SH2B2: variants seen among roughly 807,000 people sequenced by gnomAD.
SH2B2 encodes SH2B adapter protein 2.
SH2B2 carries 37 observed loss-of-function variants against 35.7 expected under a neutral mutation model. That is an observed-to-expected ratio of 1.04 (90% confidence interval 0.80 to 1.36). SH2B2 has a LOEUF of 1.36. Among genes scored for constraint, SH2B2 ranks in the 40% most tolerant of loss-of-function variants. The pLI is 0.00. For synonymous variants in SH2B2, 383 were observed against 376.4 expected, an observed-to-expected ratio of 1.02 and a Z score of -0.20; for missense variants, 852 against 817.7, an observed-to-expected ratio of 1.04 and a Z score of -0.51.
At chr7:102,294,367 G>A (rs1792820319) in intron 1 of SH2B2, among the ~76,000 whole-genome samples, 2 of 152,294 alleles carry the variant, frequency 1.3e-5, no homozygotes, top group Admixed American at 1.3e-4. Context: ...GAGGGGAGAT[G>A]TTGAATAGTC....
At chr7:102,315,193 A>T (rs1385610396) in intron 6 of SH2B2, among the ~76,000 whole-genome samples, 11 of 150,044 alleles carry the variant, frequency 7.3e-5, no homozygotes, top group African/African-American at 2.7e-4. Flanking sequence ...TGTCTCAAAA[A>T]AAAAAGAAAG....
chr7:102,291,461 T>C (rs782009214), intron 1 of SH2B2, among the ~76,000 whole-genome samples: 4 of 152,162 alleles, frequency 2.6e-5, no homozygotes, highest in African/African-American at 4.8e-5. Context: ...CACTAGTACC[T>C]AATCACCCAT....
chr7:102,320,583 G>T, intron 8 of SH2B2, 81 bp downstream of exon 8: 2 of 1,495,710 alleles, frequency 1.3e-6, no homozygotes, highest in South Asian at 2.6e-5. Context: ...CCTGGGGTGG[G>T]ATGAGCCCCA....
At position 102,321,663 on chromosome 7, in the gene SH2B2, C is replaced by G; in HGVS notation, c.*33C>G. On this transcript the variant is annotated 3_prime_UTR_variant, in exon 9 of 9. Transcript: ENST00000444095. ...CGCCGCCCGGGTGGGACACGCCAAGCTCTTCAGTGAAGACACGATGTTATT... is the reference window on the plus strand; with the variant it reads ...CGCCGCCCGGGTGGGACACGCCAAGGTCTTCAGTGAAGACACGATGTTATT... 1 of 1,118,830 alleles carries G rather than the reference C, an allele frequency of 8.9e-7. No homozygotes were observed. Among genetic ancestry groups the G allele is most frequent in the East Asian group, 4.7e-5 (1 of 21,364 alleles). The allele number at this position is 1,118,830 out of a possible 1,614,324, so 69.3% of individuals were successfully genotyped here.
chr7:102,316,809 A>G (rs1793846337), intron 6 of SH2B2, among the ~76,000 whole-genome samples: 2 of 152,268 alleles, frequency 1.3e-5, no homozygotes, highest in South Asian at 2.1e-4. Context: ...ATCTGAGGTC[A>G]GGAGTTTGAG....
At chr7:102,285,292 C>T (rs1274550534), upstream of SH2B2, 21 of 1,467,768 alleles carry the variant, frequency 1.4e-5, no homozygotes, top group Non-Finnish European at 2.0e-5. Flanking sequence ...CTCCCCTCTC[C>T]CAGGAGGGTG....
Position 102,300,509 on chromosome 7 carries a change from T to A in SH2B2, c.-29-13T>A. On this transcript the variant is annotated splice_polypyrimidine_tract_variant and intron_variant, in intron 1 of 8. Transcript: ENST00000444095. ...CAGGCCTGAAAGTCACTGCGCGCTC[T>A]TCTCGCCCGAAGCCGCAGGTGGCTG... is the stretch of plus-strand genomic sequence containing the variant. 1.3e-6 allele frequency: 2 copies of A among 1,523,356 alleles called. No individual in the cohort carries two copies. The highest frequency in any genetic ancestry group is 1.8e-6 in the Non-Finnish European group (2 of 1,139,200). The allele number at this position is 1,523,356 out of a possible 1,614,324, so 94.4% of individuals were successfully genotyped here. A position where few individuals can be genotyped will look rare whatever the true frequency, so the allele number is the denominator to read the frequency against.
chr7:102,316,227 T>C (rs181157792), intron 6 of SH2B2, among the ~76,000 whole-genome samples: 4 of 152,204 alleles, frequency 2.6e-5, no homozygotes, highest in African/African-American at 9.6e-5. Context: ...CAGTGAGCTA[T>C]GATTGTGCCA....
rs146980798 is a variant in SH2B2, at chr7:102,309,447, G to A, written c.923+541G>A. 3.2e-3 allele frequency: 877 copies of A among 277,066 alleles called. 9 individuals carry two copies. The highest frequency in any genetic ancestry group is 0.02 in the African/African-American group (820 of 40,814). 17.2% of individuals were successfully genotyped at this position (277,066 alleles called of 1,614,324 possible). ...GTGATCTTGGCTCACTGCAATCTCC[G>A]CCTCCCAGGTTCAAGCAATTTTCCT... On this transcript the variant is annotated intron_variant, in intron 4 of 8. Transcript: ENST00000444095.
At chr7:102,303,503 C>A (rs1356130963) in intron 2 of SH2B2, among the ~76,000 whole-genome samples, 2 of 152,184 alleles carry the variant, frequency 1.3e-5, no homozygotes, top group African/African-American at 4.8e-5. Flanking sequence ...CCCCAAGGCT[C>A]ATTGCCCATG....
At chr7:102,310,776 T>C (rs2133007158) in intron 4 of SH2B2, among the ~76,000 whole-genome samples, 1 of 152,344 alleles carries the variant, frequency 6.6e-6, no homozygotes, top group East Asian at 1.9e-4. Context: ...CTGCAAACTC[T>C]TTCCCCAGCC....
intron 6 of SH2B2, among the ~76,000 whole-genome samples, chr7:102,315,425 T>G (rs1435752656): frequency 6.6e-6 from 1 of 151,882 alleles, no homozygotes; most frequent in African/African-American, 2.4e-5. Context: ...CACCCCCAAG[T>G]CCAAGCAATT....
chr7:102,317,890 C>T (rs1793916236), intron 7 of SH2B2, among the ~76,000 whole-genome samples: 1 of 152,070 alleles, frequency 6.6e-6, no homozygotes, highest in African/African-American at 2.4e-5. Context: ...ACGGGCAAAC[C>T]CTAGAGACCC....
At chr7:102,299,167 G>T (rs1793044734) in intron 1 of SH2B2, among the ~76,000 whole-genome samples, 1 of 137,186 alleles carries the variant, frequency 7.3e-6, no homozygotes, top group Admixed American at 7.7e-5. Flanking sequence ...CCAAAGTGCT[G>T]GGATTACAGG....
Position 102,321,487 on chromosome 7 carries a change from G to A in SH2B2, c.1756G>A (p.Val586Ile), listed in dbSNP as rs144329103. Reference protein sequence around the residue: ...AASGPAPPRPVEGQLSARSRS... With the variant: ...AASGPAPPRPIEGQLSARSRS... ...GTCGGGGCCCGCCCCCCCGCGCCCC[G>A]TCGAGGGCCAGCTCAGCGCGCGGAG... is the stretch of plus-strand genomic sequence containing the variant. Residue 586 changes from valine to isoleucine, a missense_variant, in exon 9 of 9, where the codon GTC becomes ATC. Transcript: ENST00000444095. 1,734 of 1,175,360 alleles carry A rather than the reference G, an allele frequency of 1.5e-3. 38 individuals carry two copies. In the African/African-American group the frequency reaches 0.026, roughly 17 times the overall value. The allele number at this position is 1,175,360 out of a possible 1,614,324, so 72.8% of individuals were successfully genotyped here.
chr7:102,289,228 G>A (rs942437769), intron 1 of SH2B2, among the ~76,000 whole-genome samples: 7 of 152,122 alleles, frequency 4.6e-5, no homozygotes, highest in African/African-American at 1.2e-4. Flanking sequence ...ACATACTTCC[G>A]GGCCATCTGA....
chr7:102,298,626 C>G (rs374831893), intron 1 of SH2B2, among the ~76,000 whole-genome samples: 2 of 152,292 alleles, frequency 1.3e-5, no homozygotes, highest in African/African-American at 4.8e-5. Flanking sequence ...TGTCCCCAGG[C>G]TGGAGTACAG....
Position 102,300,840 on chromosome 7 carries a change from T to C in SH2B2, c.290T>C (p.Met97Thr), listed in dbSNP as rs1793134739. The part of the protein sequence containing the change: ...TRGAAVSAEA[M>T]EPELADTSAL... ...GGCGCGGCCGTGAGCGCAGAGGCCA[T>C]GGAGCCGGAGCTCGCGGACACCTCT... Residue 97 changes from methionine (M) to threonine (T), a missense_variant, in exon 2 of 9, where the codon ATG becomes ACG. Met to Thr is a moderately conservative substitution (Grantham distance 81). Coordinates refer to ENST00000444095, the MANE Select transcript of SH2B2 (RefSeq NM_001359228.2). 6.8e-7 allele frequency: 1 copy of C among 1,462,498 alleles called. No homozygotes were observed. The highest frequency in any genetic ancestry group is 9.0e-7 in the Non-Finnish European group (1 of 1,105,502). The allele number at this position is 1,462,498 out of a possible 1,614,324, so 90.6% of individuals were successfully genotyped here.
intron 4 of SH2B2, 71 bp downstream of exon 4, chr7:102,308,977 C>G (rs1205351891): frequency 8.1e-7 from 1 of 1,231,756 alleles, no homozygotes; most frequent in Non-Finnish European, 1.2e-6. Context: ...TCACCAGGAG[C>G]AGCTTCCTAG....
Sources: allele counts gnomAD v4.1 joint callset (sites outside exome capture counted in the v4.1 genomes callset), GRCh38; gene constraint gnomAD v4.1.1; transcripts MANE v1.5; gene names NCBI Gene and HGNC (gene_info 2026-07-23, HGNC 2026-07-21).